The following LRRN1 variants were observed in gnomAD, a reference collection of about 807,000 sequenced individuals.
The protein encoded by LRRN1 is leucine rich repeat neuronal 1, also known as leucine-rich repeat neuronal protein 1.
In LRRN1, 14 loss-of-function variants were observed where a neutral mutation model predicts 45.8. That is an observed-to-expected ratio of 0.31 (90% confidence interval 0.20 to 0.48). The LOEUF (loss-of-function observed/expected upper bound fraction) is 0.48. Among genes scored for constraint, LRRN1 ranks in the 20% least tolerant of loss-of-function variants. The pLI is 0.99. For synonymous variants in LRRN1, 359 were observed against 330.1 expected, an observed-to-expected ratio of 1.09 and a Z score of -0.95; for missense variants, 789 against 874.2, an observed-to-expected ratio of 0.90 and a Z score of 1.23.
chr3:3,828,227 T>C (rs1693273564), intron 1 of LRRN1, among the ~76,000 whole-genome samples: 1 of 151,454 alleles, frequency 6.6e-6, no homozygotes, highest in Non-Finnish European at 1.5e-5. Flanking sequence ...AATCACAAGG[T>C]CCCACAATAG....
chr3:3,834,530 A>ATATATATATATATATATATAT (rs1461350558), intron 1 of LRRN1, among the ~76,000 whole-genome samples: 11 of 98,834 alleles, frequency 1.1e-4, no homozygotes, highest in Middle Eastern at 4.8e-3. Flanking sequence ...AACAGGATAT[A>ATATATATATATATATATATAT]TATATATATA....
rs372979451 is a variant in LRRN1, at chr3:3,846,821, A to G, written c.*29A>G. 1.8e-5 allele frequency: 28 copies of G among 1,533,262 alleles called. No homozygotes were observed. The African/African-American group carries it at 3.2e-4, about 18-fold the overall frequency. The allele number at this position is 1,533,262 out of a possible 1,614,324, so 95.0% of individuals were successfully genotyped here. ...AGAGGATATTTTGCTTCTGGTAGTAAGGAGCACAAAGACGTTTTTGCTTTA... is the reference window on the plus strand; with the variant it reads ...AGAGGATATTTTGCTTCTGGTAGTAGGGAGCACAAAGACGTTTTTGCTTTA... On this transcript the variant is annotated 3_prime_UTR_variant, in exon 2 of 2. Transcript: ENST00000319331. This position sits in a 1 kb window ranked among gnomAD's most constrained non-coding sequence, Gnocchi z 5.7.
At chr3:3,808,815 AT>A (rs1416465139) in intron 1 of LRRN1, among the ~76,000 whole-genome samples, 3 of 152,098 alleles carry the variant, frequency 2.0e-5, no homozygotes, top group African/African-American at 7.2e-5. Context: ...ACTACTTTTA[AT>A]TTTGAAATCT....
chr3:3,809,184 C>T (rs1020757582), intron 1 of LRRN1, among the ~76,000 whole-genome samples: 31 of 152,200 alleles, frequency 2.0e-4, no homozygotes, highest in Non-Finnish European at 4.4e-4. Flanking sequence ...GTTTCTGTCG[C>T]CCAGGCTGGA....
chr3:3,800,022 C>T (rs1237302728), intron 1 of LRRN1, 103 bp downstream of exon 1: 1 of 152,350 alleles, frequency 6.6e-6, no homozygotes, highest in African/African-American at 2.4e-5. Flanking sequence ...GTCTGGGGAA[C>T]CTCAGGGTAA....
Position 3,845,818 on chromosome 3 carries a change from G to A in LRRN1, c.1177G>A (p.Glu393Lys), listed in dbSNP as rs1266565416. ...CAACAAAACCAACATCCGCTTCATG[G>A]AGCCCCTGTCCATGTTCTGTGCCAT... is the stretch of plus-strand genomic sequence containing the variant. The part of the protein sequence containing the change: ...NSNKTNIRFM[E>K]PLSMFCAMPP... The change falls in exon 2 of 2, where the codon GAG (glutamate) becomes AAG (lysine). Residue 393 changes from glutamate (E) to lysine (K), a missense_variant. Glu to Lys is a moderately conservative substitution (Grantham distance 56). Coordinates refer to ENST00000319331, the MANE Select transcript of LRRN1 (RefSeq NM_020873.7). This position sits in a 1 kb window ranked among gnomAD's most constrained non-coding sequence, Gnocchi z 6.5. 1 of 1,614,076 alleles carries A rather than the reference G, an allele frequency of 6.2e-7. No homozygotes were observed. The highest frequency in any genetic ancestry group is 1.3e-5 in the African/African-American group (1 of 74,998).
rs894733575 is a variant in LRRN1, at chr3:3,849,696, C to A, written c.*2904C>A. 6.6e-6 allele frequency among the ~76,000 whole-genome samples: 1 copy of A among 152,134 alleles called. No individual in the cohort carries two copies. The highest frequency in any genetic ancestry group is 6.5e-5 in the Admixed American group (1 of 15,274). On this transcript the variant is annotated 3_prime_UTR_variant, in exon 2 of 2. Transcript: ENST00000319331. ...TAAAACAGGCATTCCCTAACTTGCT[C>A]ATTTAATTAATGAAAAATTGAACTG...
At chr3:3,815,204 A>C (rs1692963720) in intron 1 of LRRN1, among the ~76,000 whole-genome samples, 1 of 152,150 alleles carries the variant, frequency 6.6e-6, no homozygotes, top group Admixed American at 6.5e-5. Context: ...TGACGCCTTT[A>C]CACCAGTGTA....
intron 1 of LRRN1, among the ~76,000 whole-genome samples, chr3:3,820,073 G>A (rs1164903215): frequency 2.0e-5 from 3 of 150,846 alleles, no homozygotes; most frequent in Non-Finnish European, 4.4e-5. Context: ...TGTTGTTGTT[G>A]GAAAATCTAG....
At chr3:3,836,558 G>A (rs530336222) in intron 1 of LRRN1, among the ~76,000 whole-genome samples, 7 of 151,252 alleles carry the variant, frequency 4.6e-5, no homozygotes, top group South Asian at 2.1e-4. Flanking sequence ...CCACATTTTC[G>A]TGTGTGTGTG....
chr3:3,841,074 C>A (rs549024603), intron 1 of LRRN1, among the ~76,000 whole-genome samples: 4 of 152,012 alleles, frequency 2.6e-5, no homozygotes, highest in Non-Finnish European at 5.9e-5. Flanking sequence ...CCGAAGTGGA[C>A]GGATAACGAA....
chr3:3,800,386 G>A (rs565272266), intron 1 of LRRN1, among the ~76,000 whole-genome samples: 9 of 152,266 alleles, frequency 5.9e-5, no homozygotes, highest in African/African-American at 2.2e-4. Context: ...AGGAGGGCAA[G>A]GAAGGTGGCG....
chr3:3,812,732 C>T (rs1436775885), intron 1 of LRRN1, among the ~76,000 whole-genome samples: 5 of 149,606 alleles, frequency 3.3e-5, no homozygotes, highest in East Asian at 2.0e-4. Flanking sequence ...TATGCCAAGT[C>T]GGGCACACCA....
intron 1 of LRRN1, among the ~76,000 whole-genome samples, chr3:3,810,160 C>G (rs920030827): frequency 1.3e-5 from 2 of 152,174 alleles, no homozygotes; most frequent in African/African-American, 4.8e-5. Context: ...GTATCCCACT[C>G]TCTCTTTTCT....
rs752620121 is a variant in LRRN1 at position 3,845,031 on chromosome 3, G to A, written c.390G>A (p.Gln130=). ...QLTTLHLEEN[Q]ITEMTDYCLQ... is the part of the protein sequence containing the mutation. Reference sequence around the variant, plus strand: ...CAACGCTGCATTTGGAGGAAAATCAGATTACCGAGATGACTGATTACTGTC... The same window carrying A: ...CAACGCTGCATTTGGAGGAAAATCAAATTACCGAGATGACTGATTACTGTC... Residue 130 remains glutamine (Q), a synonymous_variant, in exon 2 of 2, where the codon CAG becomes CAA. Transcript: ENST00000319331. The surrounding 1 kb of genome is among the most constrained non-coding windows in gnomAD (Gnocchi z 6.5). The A allele has an allele frequency of 6.2e-7, 1 of 1,614,148 alleles. No homozygotes were observed. Among genetic ancestry groups the A allele is most frequent in the Non-Finnish European group, 8.5e-7 (1 of 1,180,026 alleles).
At chr3:3,825,258 C>T (rs1050144426) in intron 1 of LRRN1, among the ~76,000 whole-genome samples, 1 of 152,224 alleles carries the variant, frequency 6.6e-6, no homozygotes, top group Non-Finnish European at 1.5e-5. Flanking sequence ...CCCAGTTCCT[C>T]TTAGGAGCTG....
rs79931828 is a variant in LRRN1 at position 3,807,075 on chromosome 3, C to T, written c.-279+7156C>T. ...ACTCAGCATGCTAGCTCTTGGGTTA[C>T]CGAAGAAAGCAAGGACCTACGATGC... On this transcript the variant is annotated intron_variant, in intron 1 of 1. Coordinates refer to ENST00000319331, the MANE Select transcript of LRRN1 (RefSeq NM_020873.7). 0.013 allele frequency among the ~76,000 whole-genome samples: 1,983 copies of T among 152,288 alleles called. 87 individuals are homozygous for T. The East Asian group carries it at 0.15, about 12-fold the overall frequency.
chr3:3,820,325 A>G (rs1389969753), intron 1 of LRRN1, among the ~76,000 whole-genome samples: 1 of 152,166 alleles, frequency 6.6e-6, no homozygotes, highest in East Asian at 1.9e-4. Context: ...TAGGGCTAGC[A>G]TTCTACTAGG....
chr3:3,811,995 G>A (rs149796865), intron 1 of LRRN1, among the ~76,000 whole-genome samples: 1 of 152,236 alleles, frequency 6.6e-6, no homozygotes, highest in African/African-American at 2.4e-5. Context: ...AAACTCATCT[G>A]TAGAATGGAG....
Sources: gnomAD v4.1 joint callset for allele counts (sites outside exome capture counted in the v4.1 genomes callset) on GRCh38, gnomAD v4.1.1 for gene constraint, Gnocchi (gnomAD v3.1) non-coding constraint, MANE v1.5 for transcripts, NCBI Gene and HGNC (gene_info 2026-07-23, HGNC 2026-07-21) for gene names.